Variants in TRIM2 observed in about 807,000 individuals in gnomAD.
The protein encoded by TRIM2 is tripartite motif containing 2.
A neutral mutation model predicts 75.2 loss-of-function variants in TRIM2; 20 were observed. The observed-to-expected ratio is 0.27, with a 90% confidence interval of 0.19 to 0.39. The LOEUF (loss-of-function observed/expected upper bound fraction) is 0.39. Ranked by LOEUF, TRIM2 falls within the 10% of genes least tolerant of loss-of-function variation. The pLI is 1.00. For synonymous variants in TRIM2, 373 were observed against 388.3 expected (o/e 0.96, Z 0.46); for missense variants, 660 against 990.8 (o/e 0.67, Z 4.48).
intron 1 of TRIM2, among the ~76,000 whole-genome samples, chr4:153,213,276 A>G (rs974768842): frequency 6.6e-6 from 1 of 152,196 alleles, no homozygotes; most frequent in Non-Finnish European, 1.5e-5. Context: ...CCATTATGTG[A>G]TGCCTCCAGG....
At chr4:153,178,294 C>A (rs777658421) in intron 1 of TRIM2, among the ~76,000 whole-genome samples, 1 of 152,094 alleles carries the variant, frequency 6.6e-6, no homozygotes, top group Non-Finnish European at 1.5e-5. Flanking sequence ...CAAGCATGCA[C>A]CCCCAGCGCC....
At chr4:153,260,684 A>ACCCCCCCCCCCCCCCCCCCCC (rs1560902662) in intron 1 of TRIM2, among the ~76,000 whole-genome samples, 1 of 33,838 alleles carries the variant, frequency 3.0e-5, no homozygotes, top group Non-Finnish European at 6.2e-5. Context: ...ACCCACCCAC[A>ACCCCCCCCCCCCCCCCCCCCC]CACCCACCCC....
chr4:153,295,168 G>A lies in TRIM2; in HGVS notation c.787-145G>A. 8.7e-7 allele frequency: 1 copy of A among 1,148,918 alleles called. No homozygotes were observed. Among genetic ancestry groups the A allele is most frequent in the Non-Finnish European group, 1.2e-6 (1 of 842,288 alleles). The allele number at this position is 1,148,918 out of a possible 1,614,324, so 71.2% of individuals were successfully genotyped here. ...CAGTTTAGGACTTTGCGTTAGCACT[G>A]GGTTCCCTGGGTTGACAAACACCGC... On this transcript the variant is annotated intron_variant, in intron 5 of 11. Coordinates refer to ENST00000338700, the MANE Select transcript of TRIM2 (RefSeq NM_015271.5). This position sits in a 1 kb window ranked among gnomAD's most constrained non-coding sequence, Gnocchi z 7.2.
At chr4:153,267,488 T>TGA (rs1560916508) in intron 1 of TRIM2, among the ~76,000 whole-genome samples, 1 of 150,852 alleles carries the variant, frequency 6.6e-6, no homozygotes, top group Non-Finnish European at 1.5e-5. Flanking sequence ...CCATCTCTAC[T>TGA]AAAAATACAA....
intron 1 of TRIM2, among the ~76,000 whole-genome samples, chr4:153,244,359 T>TCTTCTTCTC (rs1748119084): frequency 8.3e-5 from 2 of 24,132 alleles, no homozygotes; most frequent in Non-Finnish European, 1.3e-4. Context: ...TTCTTCCTCT[T>TCTTCTTCTC]CTTCTTCTTC....
intron 1 of TRIM2, among the ~76,000 whole-genome samples, chr4:153,251,914 G>T (rs1268331304): frequency 7.0e-6 from 1 of 142,522 alleles, no homozygotes; most frequent in Non-Finnish European, 1.5e-5. Context: ...CCAGGAGGTC[G>T]AGCAGCAGTC....
chr4:153,334,325 TAAAC>T (rs1772139028), intron 11 of TRIM2, among the ~76,000 whole-genome samples: 1 of 151,488 alleles, frequency 6.6e-6, no homozygotes, highest in African/African-American at 2.4e-5. Context: ...GATAGTGACA[TAAAC>T]AAAGACATAT....
chr4:153,304,153 G>T (rs1188507612), intron 6 of TRIM2, among the ~76,000 whole-genome samples: 1 of 151,792 alleles, frequency 6.6e-6, no homozygotes, highest in African/African-American at 2.4e-5. Context: ...TTGCTCTGTT[G>T]CCCAGGCCGA....
intron 1 of TRIM2, among the ~76,000 whole-genome samples, chr4:153,182,056 C>T (rs985743931): frequency 1.3e-5 from 2 of 152,182 alleles, no homozygotes; most frequent in Non-Finnish European, 2.9e-5. Context: ...GCTCCCCACC[C>T]ATCTCAGTCT....
chr4:153,183,193 C>T (rs978978190), intron 1 of TRIM2, among the ~76,000 whole-genome samples: 1 of 152,236 alleles, frequency 6.6e-6, no homozygotes, highest in Non-Finnish European at 1.5e-5. Flanking sequence ...TGCCTCTCTC[C>T]TCTGAACACA....
At chr4:153,204,393 G>A, upstream of TRIM2, 2 of 941,546 alleles carry the variant, frequency 2.1e-6, no homozygotes, top group South Asian at 1.4e-5. Flanking sequence ...CGCCCCTTTG[G>A]CTTGTGCTGA....
intron 1 of TRIM2, among the ~76,000 whole-genome samples, chr4:153,166,577 A>C (rs1337380893): frequency 4.1e-5 from 5 of 122,796 alleles, no homozygotes; most frequent in African/African-American, 8.9e-5. Context: ...ATGAGGTCTC[A>C]CTCCACCACC....
intron 6 of TRIM2, among the ~76,000 whole-genome samples, chr4:153,301,733 T>C (rs62323744): frequency 6.6e-6 from 1 of 152,062 alleles, no homozygotes; most frequent in Admixed American, 6.5e-5. Context: ...CTAGCACCAT[T>C]TATTGAAGAG....
chr4:153,301,036 CA>C (rs1314698350), intron 6 of TRIM2, among the ~76,000 whole-genome samples: 1 of 151,914 alleles, frequency 6.6e-6, no homozygotes, highest in Non-Finnish European at 1.5e-5. Context: ...ACTGAAAATA[CA>C]AAAATTAGCC....
intron 6 of TRIM2, among the ~76,000 whole-genome samples, chr4:153,302,209 ATTG>A (rs1273245107): frequency 6.6e-6 from 1 of 151,816 alleles, no homozygotes; most frequent in Non-Finnish European, 1.5e-5. Context: ...TCATCCCTAC[ATTG>A]TTGTTGTTGT....
upstream of TRIM2, among the ~76,000 whole-genome samples, chr4:153,204,251 A>G (rs562578562): frequency 3.3e-5 from 5 of 152,330 alleles, no homozygotes; most frequent in Non-Finnish European, 7.3e-5. Context: ...TGTAAAGATG[A>G]TAACTCAGCC....
intron 6 of TRIM2, among the ~76,000 whole-genome samples, chr4:153,311,799 A>G (rs912443187): frequency 7.9e-5 from 12 of 151,284 alleles, no homozygotes; most frequent in African/African-American, 2.7e-4. Context: ...GCCTCAAGCA[A>G]TCCTCCTGCC....
intron 1 of TRIM2, among the ~76,000 whole-genome samples, chr4:153,252,127 C>T (rs1751015678): frequency 6.6e-6 from 1 of 152,168 alleles, no homozygotes; most frequent in African/African-American, 2.4e-5. Flanking sequence ...CCTCCAACCC[C>T]AATAAAGCTT....
In TRIM2 at chr4:153,338,836, G is replaced by C; in HGVS notation, c.*3870G>C. 1.0e-6 allele frequency: 1 copy of C among 985,658 alleles called. No individual in the cohort carries two copies. Among genetic ancestry groups the C allele is most frequent in the Non-Finnish European group, 1.2e-6 (1 of 829,896 alleles). 61.1% of individuals were successfully genotyped at this position (985,658 alleles called of 1,614,324 possible). ...AAAGCAACACAGCCTTAAACTCAATGCTTTTGCTTTATGACATGGGAATGT... is the reference window on the plus strand; with the variant it reads ...AAAGCAACACAGCCTTAAACTCAATCCTTTTGCTTTATGACATGGGAATGT... On this transcript the variant is annotated 3_prime_UTR_variant, in exon 12 of 12. Transcript: ENST00000338700.
Sources: allele counts gnomAD v4.1 joint callset (sites outside exome capture counted in the v4.1 genomes callset), GRCh38; gene constraint gnomAD v4.1.1; non-coding constraint Gnocchi (gnomAD v3.1); transcripts MANE v1.5; gene names NCBI Gene and HGNC (gene_info 2026-07-23, HGNC 2026-07-21).